The following AKAP9 variants were observed in gnomAD, a reference collection of about 807,000 sequenced individuals.
AKAP9 encodes the protein A-kinase anchoring protein 9, also known as A-kinase anchor protein 9.
AKAP9 carries 311 observed loss-of-function variants against 488.5 expected under a neutral mutation model. The observed-to-expected ratio is 0.64, with a 90% CI of 0.58 to 0.70. AKAP9 has a LOEUF of 0.70. Among genes scored for constraint, AKAP9 ranks in the 30% least tolerant of loss-of-function variants. AKAP9 has a pLI of 0.00. For synonymous variants in AKAP9, 1,462 were observed against 1,483.5 expected (o/e 0.99, Z 0.33); for missense variants, 4,215 against 4,374.5 (o/e 0.96, Z 1.03).
At chr7:91,947,896 C>T (rs1791667360) in intron 1 of AKAP9, among the ~76,000 whole-genome samples, 1 of 152,186 alleles carries the variant, frequency 6.6e-6, no homozygotes, top group South Asian at 2.1e-4. Context: ...CTTCTGTCTA[C>T]TTCCCAAACA....
At chr7:91,985,281 ACC>A (rs1796925583) in intron 3 of AKAP9, among the ~76,000 whole-genome samples, 1 of 151,996 alleles carries the variant, frequency 6.6e-6, no homozygotes. Context: ...ATTTTGAGAT[ACC>A]TCCCATCAAT....
rs117615503 is a variant in AKAP9 at position 92,100,801 on chromosome 7, G to C, written c.10897-55G>C. The C allele has an allele frequency of 4.4e-3, 6,962 of 1,595,654 alleles. 19 individuals carry two copies. The highest frequency in any genetic ancestry group is 5.3e-3 in the Non-Finnish European group (6,208 of 1,163,792). ...CATCATGCAGATATCTTTTTAATAT[G>C]TTTAGCTCAGACTTTTCTTCAGAGA... On this transcript the variant is annotated intron_variant, in intron 44 of 49. Coordinates refer to ENST00000356239, the MANE Select transcript of AKAP9 (RefSeq NM_005751.5).
intron 12 of AKAP9, among the ~76,000 whole-genome samples, chr7:92,017,389 TA>T (rs1801665478): frequency 6.6e-6 from 1 of 152,126 alleles, no homozygotes; most frequent in Non-Finnish European, 1.5e-5. Flanking sequence ...ACATATAATG[TA>T]AAATTAAAGC....
chr7:91,987,151 A>G (rs1797200143), intron 3 of AKAP9, among the ~76,000 whole-genome samples: 1 of 152,234 alleles, frequency 6.6e-6, no homozygotes, highest in East Asian at 1.9e-4. Context: ...ACGGTGGCTC[A>G]TTCATGCCTG....
At chr7:92,093,344 T>G in intron 39 of AKAP9, 28 bp downstream of exon 39, 1 of 1,598,880 alleles carries the variant, frequency 6.3e-7, no homozygotes, top group Non-Finnish European at 8.6e-7. Context: ...ATTAAAAACA[T>G]GTAACAAGGA....
chr7:92,039,773 G>A (rs1283903402), intron 17 of AKAP9, among the ~76,000 whole-genome samples: 7 of 152,034 alleles, frequency 4.6e-5, no homozygotes, highest in African/African-American at 1.2e-4. Flanking sequence ...TCAGGAGTTC[G>A]AGACCAGCTT....
At chr7:91,986,949 T>G (rs1157722647) in intron 3 of AKAP9, among the ~76,000 whole-genome samples, 2 of 151,734 alleles carry the variant, frequency 1.3e-5, no homozygotes, top group Non-Finnish European at 2.9e-5. Flanking sequence ...TATGAATAAA[T>G]ATATACATAT....
intron 8 of AKAP9, among the ~76,000 whole-genome samples, 157 bp from the exon 9 acceptor site, chr7:92,012,272 G>A (rs532843008): frequency 6.6e-6 from 1 of 152,116 alleles, no homozygotes; most frequent in East Asian, 1.9e-4. Context: ...GAAAAAGAAA[G>A]GTAGATCAAT....
intron 2 of AKAP9, 86 bp downstream of exon 2, chr7:91,974,054 GA>G: frequency 6.6e-7 from 1 of 1,516,498 alleles, no homozygotes; most frequent in Non-Finnish European, 9.1e-7. Context: ...TGCGCAATTT[GA>G]TCATGATTTT....
chr7:91,959,651 G>A (rs1347864786), intron 1 of AKAP9, among the ~76,000 whole-genome samples: 1 of 152,004 alleles, frequency 6.6e-6, no homozygotes, highest in African/African-American at 2.4e-5. Flanking sequence ...GTTAAAATAT[G>A]TAACATTAAG....
rs1264961491 is a variant in AKAP9, at chr7:91,995,775, A to G, written c.905A>G (p.Gln302Arg). 6.2e-7 allele frequency: 1 copy of G among 1,608,374 alleles called. No homozygotes were observed. The highest frequency in any genetic ancestry group is 2.2e-5 in the East Asian group (1 of 44,844). The change falls in exon 7 of 50, where the codon CAA becomes CGA. Residue 302 changes from glutamine to arginine, a missense_variant. Around this residue, in one of 5 missense-constraint regions of AKAP9, gnomAD observed 2,361 missense variants for 2,430.0 expected, o/e 0.97. Coordinates refer to ENST00000356239, the MANE Select transcript of AKAP9 (RefSeq NM_005751.5). ...EDFTMQISFL[Q>R]EKIKVYEMEQ... ...TTCACAATGCAAATTAGTTTCTTGC[A>G]AGAGAAAATTAAAGTATATGAAATG...
chr7:92,093,496 C>G (rs575546301), intron 39 of AKAP9, among the ~76,000 whole-genome samples, 180 bp downstream of exon 39: 1 of 152,016 alleles, frequency 6.6e-6, no homozygotes, highest in Admixed American at 6.5e-5. Flanking sequence ...AACTTATGAT[C>G]GTGATTATAG....
chr7:92,053,009 A>T, intron 22 of AKAP9, 51 bp downstream of exon 22: 1 of 1,440,964 alleles, frequency 6.9e-7, no homozygotes, highest in Non-Finnish European at 9.7e-7. Flanking sequence ...ACAATATACT[A>T]TCCCACTCTC....
At chr7:92,058,500 A>G (rs577572139) in intron 22 of AKAP9, 2 of 376,782 alleles carry the variant, frequency 5.3e-6, no homozygotes, top group Admixed American at 3.7e-5. Flanking sequence ...ATGGGATAGA[A>G]CCTTGTTTGA....
intron 16 of AKAP9, among the ~76,000 whole-genome samples, chr7:92,036,790 G>A (rs1428079445): frequency 1.3e-5 from 2 of 152,116 alleles, no homozygotes; most frequent in Non-Finnish European, 2.9e-5. Flanking sequence ...GTTACAGAAG[G>A]TTAAAAATAT....
chr7:91,973,609 A>G, intron 1 of AKAP9, 102 bp from the exon 2 acceptor site: 2 of 1,202,070 alleles, frequency 1.7e-6, no homozygotes, highest in Non-Finnish European at 1.2e-6. Flanking sequence ...TTATTTAGTG[A>G]TAGTTTGATC....
Position 92,093,197 on chromosome 7 carries a change from G to A in AKAP9, c.9459G>A (p.Gln3153=). 1 of 1,614,182 alleles carries A rather than the reference G, an allele frequency of 6.2e-7. No homozygotes were observed. The highest frequency in any genetic ancestry group is 1.1e-5 in the South Asian group (1 of 91,084). Residue 3153 remains glutamine (Q), a synonymous_variant, in exon 39 of 50, where the codon CAG becomes CAA. Transcript: ENST00000356239. ...ACAGAGCAACGGAACTGCAGGAGCA[G>A]CTGAGTTCTGAGAAAATGGTGGTTG... ...MKDRATELQE[Q]LSSEKMVVAE... is the part of the protein sequence containing the mutation.
At chr7:92,087,638 A>G (rs1413761197) in intron 37 of AKAP9, among the ~76,000 whole-genome samples, 1 of 152,028 alleles carries the variant, frequency 6.6e-6, no homozygotes, top group African/African-American at 2.4e-5. Context: ...GACTTCTTGT[A>G]GAACTGATGA....
intron 40 of AKAP9, 145 bp downstream of exon 40, chr7:92,095,318 C>T: frequency 1.1e-6 from 1 of 919,712 alleles, no homozygotes; most frequent in Non-Finnish European, 1.7e-6. Context: ...ACTACATAAA[C>T]CGTATTATGA....
Sources: allele counts gnomAD v4.1 joint callset (sites outside exome capture counted in the v4.1 genomes callset), GRCh38; gene constraint gnomAD v4.1.1; regional missense constraint gnomAD v4.1.1; transcripts MANE v1.5; gene names NCBI Gene and HGNC (gene_info 2026-07-23, HGNC 2026-07-21).